ABCC4: variants seen among roughly 807,000 people sequenced by gnomAD.
The protein encoded by ABCC4 is ATP binding cassette subfamily C member 4 (PEL blood group).
A neutral mutation model predicts 168.5 loss-of-function variants in ABCC4; 102 were observed. The observed-to-expected ratio is 0.61, with a 90% CI of 0.52 to 0.71. The LOEUF (loss-of-function observed/expected upper bound fraction) is 0.71, where lower values mean the gene tolerates loss of function less well. ABCC4 is among the 30% of genes least tolerant of loss of function. ABCC4 has a pLI of 0.00. For missense variants in ABCC4, 1,402 were observed against 1,605.8 expected, an observed-to-expected ratio of 0.87 and a Z score of 2.17; for synonymous variants, 617 against 590.7, an observed-to-expected ratio of 1.04 and a Z score of -0.65.
intron 30 of ABCC4, among the ~76,000 whole-genome samples, chr13:95,026,828 C>T (rs1334999239): frequency 6.6e-6 from 1 of 151,348 alleles, no homozygotes; most frequent in Non-Finnish European, 1.5e-5. Flanking sequence ...GGTTAAGGCT[C>T]CAGTGAGCTA....
intron 20 of ABCC4, among the ~76,000 whole-genome samples, chr13:95,091,648 C>T (rs2034438129): frequency 6.6e-6 from 1 of 152,064 alleles, no homozygotes; most frequent in African/African-American, 2.4e-5. Context: ...CTAAAAGGAG[C>T]TCTAAATCTT....
intron 1 of ABCC4, among the ~76,000 whole-genome samples, chr13:95,298,245 C>T (rs564323849): frequency 6.6e-6 from 1 of 152,226 alleles, no homozygotes; most frequent in African/African-American, 2.4e-5. Context: ...GCAGAGATTG[C>T]ACCACTGCAC....
chr13:95,190,407 T>C (rs964781690), intron 9 of ABCC4, among the ~76,000 whole-genome samples: 1 of 152,194 alleles, frequency 6.6e-6, no homozygotes, highest in African/African-American at 2.4e-5. Context: ...ACAAAGAGCT[T>C]CTAAATATTT....
intron 1 of ABCC4, among the ~76,000 whole-genome samples, chr13:95,294,412 C>G (rs75399408): frequency 1.3e-5 from 2 of 152,104 alleles, no homozygotes; most frequent in Middle Eastern, 3.4e-3. Flanking sequence ...TGCTATAGTC[C>G]CCTTTTGGGC....
rs535370430 is a variant in ABCC4, at chr13:95,045,569, G to A, written c.3457-1131C>T. Among the ~76,000 whole-genome samples, 18 of 152,266 alleles carry A rather than the reference G, an allele frequency of 1.2e-4. No individual in the cohort carries two copies. In the East Asian group the frequency reaches 2.9e-3, roughly 24 times the overall value. On this transcript the variant is annotated intron_variant, in intron 27 of 30. Transcript: ENST00000645237. The stretch of plus-strand genomic sequence containing the variant: ...AATATAACATCTTGCCCCAGACGAC[G>A]GGGATAGATGATGTTGATATTAATG...
intron 20 of ABCC4, among the ~76,000 whole-genome samples, chr13:95,114,328 C>T (rs1245617635): frequency 2.0e-5 from 3 of 152,134 alleles, no homozygotes; most frequent in East Asian, 3.8e-4. Context: ...TAATTACGAC[C>T]GCTCACTCTG....
At chr13:95,203,591 C>A (rs1338778115) in intron 8 of ABCC4, among the ~76,000 whole-genome samples, 1 of 152,046 alleles carries the variant, frequency 6.6e-6, no homozygotes, top group Non-Finnish European at 1.5e-5. Flanking sequence ...CTCCTGACCT[C>A]AAGTGATCCG....
chr13:95,260,658 T>C (rs2040507991), intron 1 of ABCC4, among the ~76,000 whole-genome samples: 1 of 152,138 alleles, frequency 6.6e-6, no homozygotes, highest in African/African-American at 2.4e-5. Flanking sequence ...ACTTATTGCT[T>C]GGAGACAGCA....
intron 19 of ABCC4, among the ~76,000 whole-genome samples, chr13:95,135,873 T>A (rs777319070): frequency 3.9e-5 from 6 of 152,208 alleles, no homozygotes; most frequent in Non-Finnish European, 8.8e-5. Context: ...GATATGTTTG[T>A]AAATAGCAAC....
intron 20 of ABCC4, among the ~76,000 whole-genome samples, chr13:95,098,272 T>G (rs2034679948): frequency 6.6e-6 from 1 of 150,496 alleles, no homozygotes. Context: ...ATGAAACAAA[T>G]GAAAACCAAC....
chr13:95,080,313 T>C (rs2034047467), intron 21 of ABCC4, among the ~76,000 whole-genome samples: 2 of 152,228 alleles, frequency 1.3e-5, no homozygotes. Context: ...CCGGTTTTTA[T>C]GTACTTCTCT....
In ABCC4 at chr13:95,020,225, A is replaced by G. The variant is rs937410361; in HGVS notation, c.*1350T>C. 1 of 152,236 alleles carries G rather than the reference A, an allele frequency of 6.6e-6. No homozygotes were observed. Among genetic ancestry groups the G allele is most frequent in the African/African-American group, 2.4e-5 (1 of 41,468 alleles). 9.4% of individuals were successfully genotyped at this position (152,236 alleles called of 1,614,324 possible). A position where few individuals can be genotyped will look rare whatever the true frequency, so the allele number is the denominator to read the frequency against. ...ATCTGTTGCTCTCTGCTGATGAGCAAAAAACTTGCTATACGAAGGACAAAT... is the reference window on the plus strand; with the variant it reads ...ATCTGTTGCTCTCTGCTGATGAGCAGAAAACTTGCTATACGAAGGACAAAT... On this transcript the variant is annotated 3_prime_UTR_variant, in exon 31 of 31. Coordinates refer to ENST00000645237, the MANE Select transcript of ABCC4 (RefSeq NM_005845.5).
chr13:95,298,506 G>C (rs961669643), intron 1 of ABCC4, among the ~76,000 whole-genome samples: 3 of 152,128 alleles, frequency 2.0e-5, no homozygotes, highest in Non-Finnish European at 2.9e-5. Context: ...TGGAGAATCT[G>C]CATCTCTTAG....
chr13:95,272,068 A>C (rs1262809039), intron 1 of ABCC4, among the ~76,000 whole-genome samples: 1 of 150,702 alleles, frequency 6.6e-6, no homozygotes, highest in Non-Finnish European at 1.5e-5. Context: ...TTTTGAGACG[A>C]ACTTTCGCTC....
intron 20 of ABCC4, among the ~76,000 whole-genome samples, chr13:95,115,567 T>C (rs964587043): frequency 4.6e-5 from 7 of 150,694 alleles, no homozygotes; most frequent in South Asian, 2.1e-4. Flanking sequence ...ATTTAGTTAA[T>C]CTAGGCTATC....
intron 3 of ABCC4, among the ~76,000 whole-genome samples, chr13:95,244,589 A>C (rs867704998): frequency 2.3e-4 from 16 of 68,538 alleles, no homozygotes; most frequent in Admixed American, 4.7e-4. Context: ...AATAAAATAA[A>C]ATAACATGAA....
chr13:95,066,063 G>A (rs76233937), intron 25 of ABCC4, among the ~76,000 whole-genome samples: 24 of 152,308 alleles, frequency 1.6e-4, no homozygotes, highest in Non-Finnish European at 2.2e-4. Flanking sequence ...TTGAGTTTGC[G>A]GGGTGGCTGT....
chr13:95,142,497 A>C (rs1268389949), intron 19 of ABCC4, among the ~76,000 whole-genome samples: 2 of 152,132 alleles, frequency 1.3e-5, no homozygotes, highest in Non-Finnish European at 2.9e-5. Context: ...TGCTTGGGTG[A>C]AGGGTGCACC....
intron 4 of ABCC4, among the ~76,000 whole-genome samples, chr13:95,215,208 C>A (rs1222743066): frequency 3.3e-5 from 5 of 152,068 alleles, no homozygotes; most frequent in Non-Finnish European, 5.9e-5. Flanking sequence ...ATTGCTTGAG[C>A]TCAGGAGTTC....
Sources: allele counts gnomAD v4.1 joint callset (sites outside exome capture counted in the v4.1 genomes callset), GRCh38; gene constraint gnomAD v4.1.1; transcripts MANE v1.5; gene names NCBI Gene and HGNC (gene_info 2026-07-23, HGNC 2026-07-21).